BST1: variants seen among roughly 807,000 people sequenced by gnomAD.
The protein encoded by BST1 is bone marrow stromal cell antigen 1.
In BST1, 49 loss-of-function variants were observed where a neutral mutation model predicts 40.6. That is an observed-to-expected ratio of 1.21 (90% CI 0.96 to 1.53). The LOEUF is 1.53. Ranked by LOEUF, BST1 falls within the 40% of genes most tolerant of loss-of-function variation. BST1 has a pLI of 0.00. For synonymous variants in BST1, 157 were observed against 159.3 expected (o/e 0.99, Z 0.11); for missense variants, 423 against 395.9 (o/e 1.07, Z -0.58).
the BST1 span, among the ~76,000 whole-genome samples, chr4:15,749,089 C>G: frequency 3.3e-5 from 5 of 152,238 alleles, no homozygotes; most frequent in African/African-American, 1.2e-4. Flanking sequence ...GTTAATTAAT[C>G]AAAGACATGG....
the BST1 span, among the ~76,000 whole-genome samples, chr4:15,751,464 G>T: frequency 2.5e-4 from 38 of 152,098 alleles, no homozygotes; most frequent in Admixed American, 1.3e-4. Context: ...TTCAGAAGAG[G>T]AAGAGAAGCA....
chr4:15,749,670 A>G, the BST1 span, among the ~76,000 whole-genome samples: 6 of 149,808 alleles, frequency 4.0e-5, no homozygotes, highest in East Asian at 1.2e-3. Flanking sequence ...GACAGCAAAG[A>G]GTACTTTTTA....
At chr4:15,740,292 A>G (rs1721713441), downstream of BST1, among the ~76,000 whole-genome samples, 3 of 152,180 alleles carry the variant, frequency 2.0e-5, no homozygotes, top group Non-Finnish European at 4.4e-5. Flanking sequence ...TTCTAACCAC[A>G]GTGATCTGCC....
the BST1 span, among the ~76,000 whole-genome samples, chr4:15,757,096 A>T: frequency 6.6e-6 from 1 of 152,292 alleles, no homozygotes; most frequent in East Asian, 1.9e-4. Flanking sequence ...GCATAACAAG[A>T]CAAACTTTTA....
At chr4:15,739,971 G>A (rs1721702833), downstream of BST1, among the ~76,000 whole-genome samples, 1 of 151,922 alleles carries the variant, frequency 6.6e-6, no homozygotes. Flanking sequence ...GAGAAAGAGA[G>A]GGAAGAAGGG....
At chr4:15,746,681 T>C in the BST1 span, among the ~76,000 whole-genome samples, 1 of 152,188 alleles carries the variant, frequency 6.6e-6, no homozygotes, top group Non-Finnish European at 1.5e-5. Context: ...GGAGGGAACA[T>C]TCAAACCATA....
At chr4:15,719,844 GC>G (rs1720716408) in intron 7 of BST1, among the ~76,000 whole-genome samples, 1 of 152,082 alleles carries the variant, frequency 6.6e-6, no homozygotes, top group Non-Finnish European at 1.5e-5. Flanking sequence ...CCCACTCCAT[GC>G]CTCCTCAAGA....
At chr4:15,767,034 G>C in the BST1 span, among the ~76,000 whole-genome samples, 1 of 151,828 alleles carries the variant, frequency 6.6e-6, no homozygotes, top group African/African-American at 2.4e-5. Flanking sequence ...GGTGAAGCAT[G>C]AACCACATAG....
In BST1 at chr4:15,722,624, G is replaced by C. The variant is rs903573736; in HGVS notation, c.792-251G>C. On this transcript the variant is annotated intron_variant, in intron 7 of 8. Transcript: ENST00000265016. ...TTTTTTTTTTTTTTTGTAGAGCCAA[G>C]GTCTCGCTATGTTGCCCAGGCTGGT... Among the ~76,000 whole-genome samples, 62 of 142,512 alleles carry C rather than the reference G, an allele frequency of 4.4e-4. 1 individual carries two copies. The highest frequency in any genetic ancestry group is 3.7e-3 in the Middle Eastern group (1 of 268). 93.5% of individuals were successfully genotyped at this position (142,512 alleles called of 152,430 possible).
intron 4 of BST1, 113 bp from the exon 5 acceptor site, chr4:15,715,172 C>T (rs185529598): frequency 4.2e-6 from 4 of 961,498 alleles, no homozygotes; most frequent in African/African-American, 1.6e-5. Flanking sequence ...TGAAATGCCA[C>T]ATTTATCATA....
chr4:15,724,882 A>G (rs1393357846), intron 8 of BST1, among the ~76,000 whole-genome samples: 1 of 152,114 alleles, frequency 6.6e-6, no homozygotes, highest in African/African-American at 2.4e-5. Context: ...TGACATGTGC[A>G]ATTTCTGGGT....
chr4:15,766,733 A>G, the BST1 span, among the ~76,000 whole-genome samples: 2 of 137,612 alleles, frequency 1.5e-5, no homozygotes, highest in Non-Finnish European at 3.1e-5. Flanking sequence ...TCTTTTCGTG[A>G]TGGTATCCTG....
the BST1 span, among the ~76,000 whole-genome samples, chr4:15,748,381 C>T: frequency 4.6e-5 from 7 of 152,118 alleles, no homozygotes; most frequent in Non-Finnish European, 1.5e-5. Context: ...TGCACAGTTT[C>T]CAGGCAAAGG....
At chr4:15,712,269 A>G (rs897038433) in intron 4 of BST1, among the ~76,000 whole-genome samples, 3 of 152,116 alleles carry the variant, frequency 2.0e-5, no homozygotes, top group Non-Finnish European at 1.5e-5. Context: ...ATTTGTGGGG[A>G]TCAGAAATGT....
chr4:15,745,146 A>G, the BST1 span, among the ~76,000 whole-genome samples: 1 of 152,214 alleles, frequency 6.6e-6, no homozygotes, highest in African/African-American at 2.4e-5. Flanking sequence ...AAATTCTGAT[A>G]CCTAATACAT....
chr4:15,751,075 C>A, the BST1 span, among the ~76,000 whole-genome samples: 1 of 152,236 alleles, frequency 6.6e-6, no homozygotes, highest in Non-Finnish European at 1.5e-5. Context: ...CTACCAGAGG[C>A]ATGAATCAGG....
the BST1 span, among the ~76,000 whole-genome samples, chr4:15,747,754 CA>C: frequency 6.6e-6 from 1 of 152,210 alleles, no homozygotes; most frequent in African/African-American, 2.4e-5. Context: ...ACTGCAGCCT[CA>C]AATTCTTAGG....
At chr4:15,725,992 C>T (rs371594263) in intron 8 of BST1, among the ~76,000 whole-genome samples, 1 of 110,492 alleles carries the variant, frequency 9.1e-6, no homozygotes, top group Admixed American at 1.3e-4. Context: ...TCTCTCTCCT[C>T]TCTCTGTCAC....
chr4:15,738,817 T>G (rs1038938394), downstream of BST1, among the ~76,000 whole-genome samples: 1 of 152,242 alleles, frequency 6.6e-6, no homozygotes, highest in African/African-American at 2.4e-5. Flanking sequence ...TTATTTCTCC[T>G]GCTGTGAAAA....
Sources: allele counts gnomAD v4.1 joint callset (sites outside exome capture counted in the v4.1 genomes callset), GRCh38; gene constraint gnomAD v4.1.1; transcripts MANE v1.5; gene names NCBI Gene and HGNC (gene_info 2026-07-23, HGNC 2026-07-21).